ZPBP: variants seen among roughly 807,000 people sequenced by gnomAD.
ZPBP encodes zona pellucida binding protein.
A neutral mutation model predicts 44.8 loss-of-function variants in ZPBP; 26 were observed. That is an observed-to-expected ratio of 0.58 (90% CI 0.43 to 0.81). ZPBP has a LOEUF of 0.81. Among genes scored for constraint, ZPBP ranks in the 30% least tolerant of loss-of-function variants. The probability of loss-of-function intolerance (pLI) is 0.00; values close to 1 mark genes in which losing one functional copy is unlikely to be tolerated. For missense variants in ZPBP, 409 were observed against 434.0 expected, an observed-to-expected ratio of 0.94 and a Z score of 0.51; for synonymous variants, 174 against 153.2, an observed-to-expected ratio of 1.14 and a Z score of -1.00.
chr7:50,014,107 A>T (rs1798703774), intron 6 of ZPBP, among the ~76,000 whole-genome samples: 1 of 152,114 alleles, frequency 6.6e-6, no homozygotes, highest in African/African-American at 2.4e-5. Context: ...CATATATATT[A>T]ATTTTTTAAA....
chr7:50,087,993 A>T (rs1457878384), intron 2 of ZPBP, among the ~76,000 whole-genome samples: 1 of 152,048 alleles, frequency 6.6e-6, no homozygotes, highest in Non-Finnish European at 1.5e-5. Context: ...TGAAAAGAAC[A>T]AATTTGAAGG....
In ZPBP at chr7:50,077,476, A is replaced by G. The variant is rs185443363; in HGVS notation, c.334+4298T>C. Reference sequence around the variant, plus strand: ...AAGAGACAATCCACAAAATGGGAGAAAATATATGCAAACTACCCCCTTTGA... The same window carrying G: ...AAGAGACAATCCACAAAATGGGAGAGAATATATGCAAACTACCCCCTTTGA... On this transcript the variant is annotated intron_variant, in intron 3 of 7. Transcript: ENST00000046087. Among the ~76,000 whole-genome samples, 9 of 152,032 alleles carry G rather than the reference A, an allele frequency of 5.9e-5. 1 individual carries two copies.
chr7:49,981,660 A>ATT (rs1164825189), intron 7 of ZPBP, among the ~76,000 whole-genome samples: 5,920 of 68,770 alleles, frequency 0.086, 1,413 homozygotes, highest in East Asian at 0.2. Context: ...CTTGATATAA[A>ATT]ATATATATTA....
intron 1 of ZPBP, among the ~76,000 whole-genome samples, chr7:49,928,197 C>T (rs562142542): frequency 6.6e-6 from 1 of 152,288 alleles, no homozygotes; most frequent in East Asian, 1.9e-4. Flanking sequence ...CCAATGCCCA[C>T]AGGAGTCATG....
At chr7:50,013,749 T>C (rs1405092877) in intron 6 of ZPBP, among the ~76,000 whole-genome samples, 3 of 152,048 alleles carry the variant, frequency 2.0e-5, no homozygotes, top group Non-Finnish European at 4.4e-5. Flanking sequence ...CTTTCTGGGT[T>C]GTAATCAAGC....
In ZPBP at chr7:49,868,976, A is replaced by C. The variant is rs555059614; in HGVS notation, n.510-18462T>G. Among the ~76,000 whole-genome samples, 14 of 152,362 alleles carry C rather than the reference A, an allele frequency of 9.2e-5. No individual in the cohort carries two copies. In the East Asian group the frequency reaches 2.7e-3, roughly 29 times the overall value. On this transcript the variant is annotated intron_variant and non_coding_transcript_variant, in intron 2 of 2. Coordinates refer to the ZPBP transcript ENST00000465922. Reference sequence around the variant, plus strand: ...AAGTTTTCTTGTGTCAAATATATGTACAATTTTCCAGAGTACGGTTTCTGA... The same window carrying C: ...AAGTTTTCTTGTGTCAAATATATGTCCAATTTTCCAGAGTACGGTTTCTGA...
At chr7:49,976,244 C>A (rs1217848099) in intron 7 of ZPBP, among the ~76,000 whole-genome samples, 1 of 152,054 alleles carries the variant, frequency 6.6e-6, no homozygotes, top group Non-Finnish European at 1.5e-5. Flanking sequence ...TTTTTCTTTT[C>A]CATTGCCCCT....
chr7:49,892,543 G>A (rs1231942262), intron 2 of ZPBP, among the ~76,000 whole-genome samples: 1 of 152,166 alleles, frequency 6.6e-6, no homozygotes, highest in Non-Finnish European at 1.5e-5. Context: ...ATCAGCAAAG[G>A]CACATGAGGG....
At chr7:49,985,218 T>G (rs1033567286) in intron 6 of ZPBP, among the ~76,000 whole-genome samples, 4 of 152,232 alleles carry the variant, frequency 2.6e-5, no homozygotes, top group Non-Finnish European at 5.9e-5. Flanking sequence ...TATTACTCTT[T>G]CTTAAATATA....
intron 2 of ZPBP, among the ~76,000 whole-genome samples, chr7:49,856,792 G>C (rs940927609): frequency 6.6e-6 from 1 of 151,894 alleles, no homozygotes; most frequent in Non-Finnish European, 1.5e-5. Context: ...GGCGGATCAC[G>C]AGGTCAGGAG....
At chr7:50,033,238 T>C (rs965790932) in intron 4 of ZPBP, among the ~76,000 whole-genome samples, 9 of 152,194 alleles carry the variant, frequency 5.9e-5, no homozygotes, top group Non-Finnish European at 8.8e-5. Context: ...TATGGCAATA[T>C]AGTTATTTGC....
At chr7:49,923,752 T>C (rs1422700483) in intron 1 of ZPBP, among the ~76,000 whole-genome samples, 1 of 152,210 alleles carries the variant, frequency 6.6e-6, no homozygotes. Context: ...AATATTTCTT[T>C]CGGTGAATTT....
At chr7:49,933,958 C>T (rs1012249289), downstream of ZPBP, among the ~76,000 whole-genome samples, 13 of 150,628 alleles carry the variant, frequency 8.6e-5, no homozygotes, top group South Asian at 4.2e-4. Context: ...TATTAAATGA[C>T]GAGTTAATGG....
intron 2 of ZPBP, among the ~76,000 whole-genome samples, chr7:50,085,741 T>G (rs911979712): frequency 6.6e-6 from 1 of 152,100 alleles, no homozygotes; most frequent in South Asian, 2.1e-4. Flanking sequence ...CCTGATACAC[T>G]GAGCAACAAT....
At chr7:49,885,418 T>C (rs778408273) in intron 2 of ZPBP, among the ~76,000 whole-genome samples, 5 of 152,164 alleles carry the variant, frequency 3.3e-5, no homozygotes, top group Non-Finnish European at 7.4e-5. Flanking sequence ...AATAAAAATT[T>C]ACAAGAAAAT....
At position 49,982,907 on chromosome 7, in the gene ZPBP, C is replaced by G. The variant is rs558504135; in HGVS notation, c.961+435G>C. ...AGCTCAGATCCTGTAGTGCTAGGAC[C>G]AAAAGTTAGAAAAAACAATTGGTAA... is the stretch of plus-strand genomic sequence containing the variant. On this transcript the variant is annotated intron_variant, in intron 7 of 7. Coordinates refer to ENST00000046087, the MANE Select transcript of ZPBP (RefSeq NM_007009.3). 4.0e-5 allele frequency among the ~76,000 whole-genome samples: 6 copies of G among 151,780 alleles called. No individual in the cohort carries two copies. In the South Asian group the frequency reaches 1.2e-3, roughly 32 times the overall value.
intron 7 of ZPBP, among the ~76,000 whole-genome samples, chr7:49,972,101 G>T (rs1796323281): frequency 6.6e-6 from 1 of 151,730 alleles, no homozygotes. Context: ...TCTCATCATG[G>T]TAAAGACTTT....
intron 4 of ZPBP, among the ~76,000 whole-genome samples, chr7:50,051,094 A>G (rs2128825157): frequency 6.6e-6 from 1 of 152,276 alleles, no homozygotes; most frequent in Admixed American, 6.5e-5. Flanking sequence ...TTTACAAGAA[A>G]AAAAACAACC....
intron 1 of ZPBP, among the ~76,000 whole-genome samples, chr7:49,906,257 T>C (rs1233795263): frequency 6.6e-6 from 1 of 152,086 alleles, no homozygotes; most frequent in Non-Finnish European, 1.5e-5. Flanking sequence ...ACAGAGTAAC[T>C]AGTTAAAATA....
Sources: allele counts gnomAD v4.1 joint callset (sites outside exome capture counted in the v4.1 genomes callset), GRCh38; gene constraint gnomAD v4.1.1; transcripts MANE v1.5; gene names NCBI Gene and HGNC (gene_info 2026-07-23, HGNC 2026-07-21).